The following SEC31A variants were observed in gnomAD, a reference collection of about 807,000 sequenced individuals.
SEC31A encodes SEC31 homolog A, COPII component.
Under a neutral mutation model 151.0 loss-of-function variants are expected in SEC31A, and 70 were observed. The ratio of observed to expected loss-of-function variants is 0.46; its 90% CI spans 0.38 to 0.57. The LOEUF is 0.57. SEC31A is among the 20% of genes least tolerant of loss of function. The pLI, the probability that SEC31A is intolerant of heterozygous loss-of-function variation, is 0.00. For synonymous variants in SEC31A, 475 were observed against 505.9 expected, an observed-to-expected ratio of 0.94 and a Z score of 0.82; for missense variants, 1,330 against 1,471.2, an observed-to-expected ratio of 0.90 and a Z score of 1.57.
intron 21 of SEC31A, among the ~76,000 whole-genome samples, chr4:82,843,151 G>T (rs1403213648): frequency 2.7e-5 from 4 of 148,104 alleles, no homozygotes; most frequent in African/African-American, 7.5e-5. Flanking sequence ...TTTTCTTTGA[G>T]ACAGGGTCTT....
chr4:82,832,007 C>T (rs1015508580), intron 22 of SEC31A, among the ~76,000 whole-genome samples: 6 of 152,178 alleles, frequency 3.9e-5, no homozygotes, highest in Admixed American at 2.6e-4. Flanking sequence ...AGATTCAATG[C>T]TATCCCCATC....
intron 22 of SEC31A, among the ~76,000 whole-genome samples, chr4:82,834,447 T>C (rs948180106): frequency 6.6e-6 from 1 of 152,188 alleles, no homozygotes; most frequent in African/African-American, 2.4e-5. Flanking sequence ...TATGGAACTA[T>C]TTTCTTATGT....
At chr4:82,845,525 A>G (rs917785051) in intron 20 of SEC31A, among the ~76,000 whole-genome samples, 1 of 152,188 alleles carries the variant, frequency 6.6e-6, no homozygotes, top group Non-Finnish European at 1.5e-5. Context: ...AGAGGAAGGC[A>G]GGAGAAAAAT....
chr4:82,893,108 C>T (rs1719915284), upstream of SEC31A: 1 of 152,136 alleles, frequency 6.6e-6, no homozygotes, highest in South Asian at 2.1e-4. Flanking sequence ...TGCTGTGTTG[C>T]CCAGGCTGGA....
At chr4:82,889,411 G>A (rs1741720930) in intron 1 of SEC31A, among the ~76,000 whole-genome samples, 1 of 151,976 alleles carries the variant, frequency 6.6e-6, no homozygotes, top group Non-Finnish European at 1.5e-5. Flanking sequence ...TTAGTTGGGC[G>A]TGCGCCACGT....
chr4:82,824,506 A>G (rs1210955131), intron 25 of SEC31A, 49 bp downstream of exon 25: 16 of 1,594,270 alleles, frequency 1.0e-5, no homozygotes, highest in Non-Finnish European at 1.4e-5. Context: ...CACCTGGCCA[A>G]GGATTCTTCT....
chr4:82,889,236 A>G (rs1033386084), intron 1 of SEC31A, among the ~76,000 whole-genome samples: 4 of 152,200 alleles, frequency 2.6e-5, no homozygotes, highest in African/African-American at 9.6e-5. Flanking sequence ...CCTAACAACA[A>G]TGTAATCAAT....
At chr4:82,898,273 C>A (rs1045985011) in intron 3 of SEC31A, among the ~76,000 whole-genome samples, 2 of 152,138 alleles carry the variant, frequency 1.3e-5, no homozygotes, top group Middle Eastern at 6.8e-3. Flanking sequence ...TTGAGAACTT[C>A]CATGTCAACA....
chr4:82,835,534 C>T (rs9784421), intron 22 of SEC31A, among the ~76,000 whole-genome samples: 86 of 152,246 alleles, frequency 5.6e-4, no homozygotes, highest in African/African-American at 2.0e-3. Flanking sequence ...TGGTGGCTTA[C>T]GCCTGTAATC....
chr4:82,880,697 T>C, intron 3 of SEC31A, 102 bp downstream of exon 3: 2 of 958,580 alleles, frequency 2.1e-6, no homozygotes, highest in South Asian at 2.2e-5. Flanking sequence ...TTCTTGATGG[T>C]ATTCCTTGTA....
At chr4:82,881,778 A>G (rs1275770409) in intron 2 of SEC31A, 80 bp downstream of exon 2, 4 of 1,084,622 alleles carry the variant, frequency 3.7e-6, no homozygotes, top group East Asian at 4.8e-5. Flanking sequence ...TCTAGAGAAG[A>G]TAAAGCTTAA....
chr4:82,859,622 T>C (rs1178796763), intron 14 of SEC31A, among the ~76,000 whole-genome samples: 1 of 152,138 alleles, frequency 6.6e-6, no homozygotes, highest in Non-Finnish European at 1.5e-5. Context: ...TAATTATTAA[T>C]GTTGACTATT....
Position 82,848,888 on chromosome 4 carries a change from T to C in SEC31A, c.2418A>G (p.Lys806=), listed in dbSNP as rs1353927455. ...CAGGCCTGCCCTTGGGGAGCTGCTG[T>C]TTCTCGTACGGAATTTTAGGTGATT... The part of the protein sequence containing the change: ...GHESPKIPYE[K]QQLPKGRPGP... The change falls in exon 20 of 27, where the codon AAA becomes AAG. Residue 806 remains lysine, a synonymous_variant. Coordinates refer to ENST00000395310, the MANE Select transcript of SEC31A (RefSeq NM_001077207.4). 1.9e-6 allele frequency: 3 copies of C among 1,614,148 alleles called. No individual in the cohort carries two copies. The highest frequency in any genetic ancestry group is 2.5e-6 in the Non-Finnish European group (3 of 1,180,018).
upstream of SEC31A, chr4:82,891,227 G>T: frequency 6.7e-7 from 1 of 1,487,190 alleles, no homozygotes; most frequent in Middle Eastern, 2.0e-4. Context: ...CCGCAGCCAC[G>T]CCCTGCGCCC....
At position 82,839,694 on chromosome 4, in the gene SEC31A, A is replaced by G. The variant is rs538559371; in HGVS notation, c.2968+2446T>C. ...AATACAGCAGACTACTATAAGATAC[A>G]GTTGTCAGTAGATTAAAATATAGCA... On this transcript the variant is annotated intron_variant, in intron 22 of 26. Coordinates refer to ENST00000395310, the MANE Select transcript of SEC31A (RefSeq NM_001077207.4). Among the ~76,000 whole-genome samples the G allele has an allele frequency of 2.0e-5, 3 of 152,376 alleles. No homozygotes were observed. In the South Asian group the frequency reaches 6.2e-4, roughly 32 times the overall value.
intron 22 of SEC31A, among the ~76,000 whole-genome samples, chr4:82,837,773 A>T (rs954572965): frequency 6.6e-6 from 1 of 152,238 alleles, no homozygotes; most frequent in African/African-American, 2.4e-5. Context: ...TCTCACATGC[A>T]TGGGTGGAGT....
At chr4:82,899,034 AAAAT>A (rs1439132631) in intron 3 of SEC31A, among the ~76,000 whole-genome samples, 1 of 152,250 alleles carries the variant, frequency 6.6e-6, no homozygotes, top group African/African-American at 2.4e-5. Context: ...TCAGCAATAA[AAAAT>A]AAAGTACTGA....
In SEC31A at chr4:82,863,339, T is replaced by C. The variant is rs1416195033; in HGVS notation, c.1488A>G (p.Arg496=). 1 of 1,581,736 alleles carries C rather than the reference T, an allele frequency of 6.3e-7. No individual in the cohort carries two copies. Among genetic ancestry groups the C allele is most frequent in the African/African-American group, 1.4e-5 (1 of 73,338 alleles). ...RGKYLELLGY[R]KEDLGKKIAL... is the part of the protein sequence containing the mutation. ...TTACCTTCTTTCCTAGATCTTCTTT[T>C]CTGTATCCTAGAAGTTCAAGGTATT... Residue 496 remains arginine (R), a synonymous_variant, in exon 12 of 27, where the codon AGA becomes AGG. Transcript: ENST00000395310.
rs1315612324 is a variant in SEC31A at position 82,853,632 on chromosome 4, C to T, written c.2092G>A (p.Val698Ile). 6.2e-7 allele frequency: 1 copy of T among 1,605,446 alleles called. No individual in the cohort carries two copies. The highest frequency in any genetic ancestry group is 1.7e-5 in the Admixed American group (1 of 57,144). The change falls in exon 18 of 27, where the codon GTA becomes ATA. Residue 698 changes from valine to isoleucine, a missense_variant. By Grantham distance (29) the Val-to-Ile change is conservative. Coordinates refer to ENST00000395310, the MANE Select transcript of SEC31A (RefSeq NM_001077207.4). Reference sequence around the variant, plus strand: ...GTCCAACATGCAACTAATTTCTCTACATTCCCTGCACAAATATAGCAGAGA... The same window carrying T: ...GTCCAACATGCAACTAATTTCTCTATATTCCCTGCACAAATATAGCAGAGA... ...ACLCYICAGN[V>I]EKLVACWTKA...
Sources: allele counts gnomAD v4.1 joint callset (sites outside exome capture counted in the v4.1 genomes callset), GRCh38; gene constraint gnomAD v4.1.1; transcripts MANE v1.5; gene names NCBI Gene and HGNC (gene_info 2026-07-23, HGNC 2026-07-21).